The following ROBO1 variants were observed in gnomAD, a reference collection of about 807,000 sequenced individuals.
The protein encoded by ROBO1 is roundabout homolog 1.
A neutral mutation model predicts 195.9 loss-of-function variants in ROBO1; 149 were observed. That is an observed-to-expected ratio of 0.76 (90% CI 0.67 to 0.87). The LOEUF is 0.87. Among genes scored for constraint, ROBO1 ranks in the 40% least tolerant of loss-of-function variants. ROBO1 has a pLI of 0.00. For synonymous variants in ROBO1, 816 were observed against 733.2 expected, an observed-to-expected ratio of 1.11 and a Z score of -1.82; for missense variants, 1,933 against 2,068.3, an observed-to-expected ratio of 0.93 and a Z score of 1.27.
At chr3:79,373,156 G>A (rs879252271) in intron 2 of ROBO1, among the ~76,000 whole-genome samples, 2 of 152,164 alleles carry the variant, frequency 1.3e-5, no homozygotes, top group Admixed American at 1.3e-4. Flanking sequence ...TAAAATACAA[G>A]TTCTAACACT....
intron 2 of ROBO1, among the ~76,000 whole-genome samples, chr3:79,237,604 G>C (rs1186185590): frequency 6.6e-6 from 1 of 152,102 alleles, no homozygotes; most frequent in Non-Finnish European, 1.5e-5. Context: ...ATGACCTGTG[G>C]TTTCATCTGC....
chr3:79,453,095 A>G (rs11919125), intron 2 of ROBO1, among the ~76,000 whole-genome samples: 7,350 of 151,930 alleles, frequency 0.048, 486 homozygotes, highest in African/African-American at 0.15. Context: ...CAGGTATCTT[A>G]AGTAGCCAAA....
chr3:79,282,745 T>C (rs1297473275), intron 2 of ROBO1, among the ~76,000 whole-genome samples: 1 of 152,152 alleles, frequency 6.6e-6, no homozygotes, highest in African/African-American at 2.4e-5. Flanking sequence ...AAGGAATATA[T>C]ATTTCAACTA....
At chr3:78,709,965 T>G (rs11917512) in intron 8 of ROBO1, among the ~76,000 whole-genome samples, 34,260 of 152,198 alleles carry the variant, frequency 0.23, 3,938 homozygotes, top group Non-Finnish European at 0.24. Context: ...TAAATTTCAA[T>G]AATTTATCTA....
At chr3:78,842,947 T>C (rs1031054156) in intron 4 of ROBO1, among the ~76,000 whole-genome samples, 3 of 152,068 alleles carry the variant, frequency 2.0e-5, no homozygotes, top group Admixed American at 6.6e-5. Context: ...ATTAGAGGGA[T>C]TGGAAACCAT....
intron 3 of ROBO1, among the ~76,000 whole-genome samples, chr3:78,945,254 C>A (rs2107729482): frequency 6.6e-6 from 1 of 152,316 alleles, no homozygotes; most frequent in African/African-American, 2.4e-5. Flanking sequence ...AGTAGCCTAA[C>A]TGGGAGGCAC....
At chr3:78,826,932 C>A (rs1487870111) in intron 4 of ROBO1, among the ~76,000 whole-genome samples, 1 of 152,056 alleles carries the variant, frequency 6.6e-6, no homozygotes, top group Non-Finnish European at 1.5e-5. Context: ...CTTTACTGGA[C>A]AACAATGTTT....
At chr3:79,723,020 G>C (rs1702769455) in intron 1 of ROBO1, among the ~76,000 whole-genome samples, 1 of 152,140 alleles carries the variant, frequency 6.6e-6, no homozygotes, top group Non-Finnish European at 1.5e-5. Context: ...ATGCTAAATA[G>C]ATAATGTTTA....
intron 2 of ROBO1, among the ~76,000 whole-genome samples, chr3:79,144,435 C>G (rs565042874): frequency 4.0e-5 from 6 of 151,898 alleles, no homozygotes; most frequent in Non-Finnish European, 8.8e-5. Flanking sequence ...TGTCTACTCC[C>G]TTCCACTTTT....
chr3:79,053,152 G>A (rs753191192), intron 3 of ROBO1, among the ~76,000 whole-genome samples: 3 of 151,830 alleles, frequency 2.0e-5, no homozygotes, highest in East Asian at 3.9e-4. Context: ...GCCTTGATAC[G>A]TGCCATCCTA....
intron 2 of ROBO1, among the ~76,000 whole-genome samples, chr3:79,370,762 A>T (rs2036163400): frequency 6.6e-6 from 1 of 151,958 alleles, no homozygotes; most frequent in Non-Finnish European, 1.5e-5. Flanking sequence ...GTGGTTTGCT[A>T]CACCTACCAC....
intron 2 of ROBO1, among the ~76,000 whole-genome samples, chr3:79,425,226 A>T (rs2038397905): frequency 6.6e-6 from 1 of 152,286 alleles, no homozygotes; most frequent in Middle Eastern, 3.4e-3. Flanking sequence ...TACATGGAGG[A>T]AAAGGTCATG....
intron 2 of ROBO1, among the ~76,000 whole-genome samples, chr3:79,395,979 A>G (rs1361000492): frequency 6.6e-6 from 1 of 152,138 alleles, no homozygotes; most frequent in Non-Finnish European, 1.5e-5. Flanking sequence ...GAAGGGATGA[A>G]TTACCATCTG....
At chr3:78,767,964 G>C (rs1366108036) in intron 4 of ROBO1, among the ~76,000 whole-genome samples, 1 of 151,786 alleles carries the variant, frequency 6.6e-6, no homozygotes, top group Non-Finnish European at 1.5e-5. Context: ...CTTCTGCTGG[G>C]TTTGGGTTTG....
At chr3:78,777,194 A>G (rs566337211) in intron 4 of ROBO1, among the ~76,000 whole-genome samples, 1 of 152,362 alleles carries the variant, frequency 6.6e-6, no homozygotes, top group African/African-American at 2.4e-5. Flanking sequence ...TTACAGGAAC[A>G]GACATCTTTG....
At chr3:79,190,221 C>T (rs2081512962) in intron 2 of ROBO1, among the ~76,000 whole-genome samples, 1 of 151,470 alleles carries the variant, frequency 6.6e-6, no homozygotes, top group Non-Finnish European at 1.5e-5. Context: ...TCTAGAAATG[C>T]CTCTCTTTGG....
intron 2 of ROBO1, among the ~76,000 whole-genome samples, chr3:79,561,819 G>A (rs1016374753): frequency 2.0e-5 from 3 of 152,176 alleles, no homozygotes; most frequent in Admixed American, 6.6e-5. Flanking sequence ...CACTGTGGAC[G>A]CATAATACGA....
chr3:79,584,560 T>C (rs1943760373), intron 2 of ROBO1, among the ~76,000 whole-genome samples: 1 of 150,776 alleles, frequency 6.6e-6, no homozygotes, highest in Non-Finnish European at 1.5e-5. Context: ...TAACAGTAGA[T>C]AAATGTCCTA....
At chr3:78,626,363 G>A (rs970542050) in intron 26 of ROBO1, among the ~76,000 whole-genome samples, 1 of 152,058 alleles carries the variant, frequency 6.6e-6, no homozygotes, top group Non-Finnish European at 1.5e-5. Context: ...CTACTTTCTT[G>A]TTTTTACAGT....
Sources: gnomAD v4.1 joint callset for allele counts (sites outside exome capture counted in the v4.1 genomes callset) on GRCh38, gnomAD v4.1.1 for gene constraint, MANE v1.5 for transcripts, NCBI Gene and HGNC (gene_info 2026-07-23, HGNC 2026-07-21) for gene names.